Variants in ZNF362 observed in about 807,000 individuals in gnomAD.
ZNF362 encodes rotund homolog.
A neutral mutation model predicts 42.9 loss-of-function variants in ZNF362; 11 were observed. That is an observed-to-expected ratio of 0.26 (90% CI 0.16 to 0.42). The LOEUF (loss-of-function observed/expected upper bound fraction) is 0.42, where lower values mean the gene tolerates loss of function less well. ZNF362 is among the 20% of genes least tolerant of loss of function. The pLI, the probability that ZNF362 is intolerant of heterozygous loss-of-function variation, is 1.00. For synonymous variants in ZNF362, 255 were observed against 257.3 expected (o/e 0.99, Z 0.09); for missense variants, 362 against 576.2 (o/e 0.63, Z 3.81).
chr1:33,220,908 G>T, the ZNF362 span, among the ~76,000 whole-genome samples: 26,663 of 152,112 alleles, frequency 0.18, 2,691 homozygotes, highest in East Asian at 0.31. Flanking sequence ...TGTGGGTTTC[G>T]TAGGGAGGAA....
At chr1:33,188,090 C>T in the ZNF362 span, among the ~76,000 whole-genome samples, 1 of 151,918 alleles carries the variant, frequency 6.6e-6, no homozygotes, top group Non-Finnish European at 1.5e-5. Context: ...AAAAATTAGC[C>T]GGGGGTGGTG....
chr1:33,183,892 A>T, the ZNF362 span, among the ~76,000 whole-genome samples: 5 of 152,208 alleles, frequency 3.3e-5, no homozygotes, highest in African/African-American at 1.2e-4. Context: ...GAGATGGTCC[A>T]TCTTATTGCA....
intron 6 of ZNF362, among the ~76,000 whole-genome samples, chr1:33,282,155 T>A (rs1410938057): frequency 6.6e-6 from 1 of 152,166 alleles, no homozygotes; most frequent in Non-Finnish European, 1.5e-5. Flanking sequence ...GACCTCTGTG[T>A]CCCCACAGGG....
At chr1:33,174,958 TATATATATATACACAC>T in the ZNF362 span, among the ~76,000 whole-genome samples, 776 of 146,342 alleles carry the variant, frequency 5.3e-3, 12 homozygotes, top group African/African-American at 0.019. Context: ...TATATATATA[TATATATATATACACAC>T]ATATACATAT....
At chr1:33,264,106 G>T (rs1167700667) in intron 1 of ZNF362, among the ~76,000 whole-genome samples, 1 of 152,212 alleles carries the variant, frequency 6.6e-6, no homozygotes, top group Non-Finnish European at 1.5e-5. Context: ...ATATAGCAGG[G>T]AAGCAGGCTT....
At chr1:33,284,137 A>G (rs1646015883) in intron 6 of ZNF362, among the ~76,000 whole-genome samples, 1 of 152,180 alleles carries the variant, frequency 6.6e-6, no homozygotes, top group Non-Finnish European at 1.5e-5. Flanking sequence ...TTTTTTGGAG[A>G]ATCTTCGTTT....
At chr1:33,295,416 A>AT in intron 8 of ZNF362, 111 bp downstream of exon 8, 1 of 1,375,268 alleles carries the variant, frequency 7.3e-7, no homozygotes, top group Non-Finnish European at 9.8e-7. Context: ...TTCCAGACAA[A>AT]TTGAGGCCTA....
At chr1:33,210,769 A>G in the ZNF362 span, among the ~76,000 whole-genome samples, 1 of 150,842 alleles carries the variant, frequency 6.6e-6, no homozygotes, top group East Asian at 1.9e-4. Context: ...TTTTCTTTCC[A>G]CTTGCTTGGT....
chr1:33,232,531 G>A, the ZNF362 span, among the ~76,000 whole-genome samples: 2 of 152,278 alleles, frequency 1.3e-5, no homozygotes, highest in African/African-American at 2.4e-5. Flanking sequence ...AAAGTGCTGG[G>A]ATTACAGGCG....
At chr1:33,131,530 A>G in the ZNF362 span, among the ~76,000 whole-genome samples, 1 of 152,250 alleles carries the variant, frequency 6.6e-6, no homozygotes, top group Non-Finnish European at 1.5e-5. Flanking sequence ...GATGTAGTTC[A>G]AAAGAAAAGA....
chr1:33,253,253 G>A (rs888939357), upstream of ZNF362, among the ~76,000 whole-genome samples: 2 of 146,880 alleles, frequency 1.4e-5, no homozygotes, highest in South Asian at 2.3e-4. Flanking sequence ...AAAGGGGGAT[G>A]GGTGCCAGTG....
the ZNF362 span, chr1:33,163,485 A>G: frequency 6.6e-6 from 1 of 152,276 alleles, no homozygotes; most frequent in Admixed American, 6.5e-5. Context: ...CTCAGCACAG[A>G]GAAAAGTTCT....
At chr1:33,151,131 G>A in the ZNF362 span, among the ~76,000 whole-genome samples, 1 of 152,076 alleles carries the variant, frequency 6.6e-6, no homozygotes, top group African/African-American at 2.4e-5. Flanking sequence ...CTAGGAGGGA[G>A]ACAAGGGGGC....
upstream of ZNF362, among the ~76,000 whole-genome samples, chr1:33,252,580 GTTCT>G (rs1248350192): frequency 2.0e-5 from 3 of 152,194 alleles, no homozygotes; most frequent in African/African-American, 7.2e-5. Context: ...AGATTTTGGA[GTTCT>G]TTGTTACTGC....
At chr1:33,158,310 A>G in the ZNF362 span, 1 of 1,614,006 alleles carries the variant, frequency 6.2e-7, no homozygotes, top group Non-Finnish European at 8.5e-7. Context: ...GGGCCTGTGT[A>G]CTTGGAGGTC....
chr1:33,217,911 T>C, the ZNF362 span, among the ~76,000 whole-genome samples: 2 of 152,182 alleles, frequency 1.3e-5, no homozygotes, highest in Non-Finnish European at 2.9e-5. Flanking sequence ...ATTTATCTTA[T>C]TACTGTCAAA....
chr1:33,151,506 G>A, the ZNF362 span, among the ~76,000 whole-genome samples: 1 of 152,074 alleles, frequency 6.6e-6, no homozygotes, highest in South Asian at 2.1e-4. Flanking sequence ...ACCAGAAAGG[G>A]ACCTAGAAGG....
chr1:33,182,849 G>A, the ZNF362 span, among the ~76,000 whole-genome samples: 1 of 152,044 alleles, frequency 6.6e-6, no homozygotes, highest in Admixed American at 6.6e-5. Context: ...TGGGCTGGAG[G>A]GCATTGTGGG....
At chr1:33,164,832 G>A in the ZNF362 span, 4 of 152,304 alleles carry the variant, frequency 2.6e-5, no homozygotes, top group African/African-American at 9.7e-5. Flanking sequence ...AGGCTGGAGT[G>A]CAGTGGCATG....
Sources: allele counts gnomAD v4.1 joint callset (sites outside exome capture counted in the v4.1 genomes callset), GRCh38; gene constraint gnomAD v4.1.1; transcripts MANE v1.5; gene names NCBI Gene and HGNC (gene_info 2026-07-23, HGNC 2026-07-21).